USP13: variants seen among roughly 807,000 people sequenced by gnomAD.
USP13 encodes the protein ubiquitin specific peptidase 13, also known as ubiquitin carboxyl-terminal hydrolase 13.
Under a neutral mutation model 107.8 loss-of-function variants are expected in USP13, and 68 were observed. The observed-to-expected ratio is 0.63, with a 90% confidence interval of 0.52 to 0.77. The LOEUF (loss-of-function observed/expected upper bound fraction) is 0.77, where lower values mean the gene tolerates loss of function less well. Ranked by LOEUF, USP13 falls within the 30% of genes least tolerant of loss-of-function variation. The pLI, the probability that USP13 is intolerant of heterozygous loss-of-function variation, is 0.00. For synonymous variants in USP13, 377 were observed against 389.5 expected (o/e 0.97, Z 0.38); for missense variants, 945 against 1,093.3 (o/e 0.86, Z 1.91).
intron 1 of USP13, among the ~76,000 whole-genome samples, chr3:179,655,499 G>A (rs1420476499): frequency 6.6e-6 from 1 of 151,454 alleles, no homozygotes; most frequent in Admixed American, 6.6e-5. Context: ...GGGAGGAAGG[G>A]AAGGTTTGAT....
intron 14 of USP13, among the ~76,000 whole-genome samples, chr3:179,754,512 C>T (rs1553797788): frequency 3.9e-5 from 6 of 152,134 alleles, no homozygotes. Context: ...ATGATTTGCT[C>T]TTGTTTGGGG....
chr3:179,775,060 T>C (rs1318155084), intron 19 of USP13, among the ~76,000 whole-genome samples: 2 of 152,040 alleles, frequency 1.3e-5, no homozygotes, highest in Non-Finnish European at 2.9e-5. Context: ...AGAGTGCTGA[T>C]TGGTGCATTT....
chr3:179,721,316 C>G lies in USP13; in HGVS notation c.901-86C>G. The G allele has an allele frequency of 6.9e-7, 1 of 1,442,012 alleles. No homozygotes were observed. Among genetic ancestry groups the G allele is most frequent in the Non-Finnish European group, 9.4e-7 (1 of 1,062,838 alleles). The allele number at this position is 1,442,012 out of a possible 1,614,324, so 89.3% of individuals were successfully genotyped here. On this transcript the variant is annotated intron_variant, in intron 7 of 20. Coordinates refer to ENST00000263966, the MANE Select transcript of USP13 (RefSeq NM_003940.3). The surrounding 1 kb of genome is among the most constrained non-coding windows in gnomAD (Gnocchi z 4.3). ...TGGGGAAAAAAATGGCAGAAACATC[C>G]TATGCTGTTAGAAATAATTAACGGG...
intron 1 of USP13, among the ~76,000 whole-genome samples, chr3:179,657,634 C>T (rs753679329): frequency 1.1e-4 from 16 of 150,922 alleles, no homozygotes; most frequent in South Asian, 4.2e-4. Flanking sequence ...TGTGGTGGCA[C>T]GCACCTGTAG....
At chr3:179,701,179 G>GGTGTGT in intron 4 of USP13, 50 bp downstream of exon 4, 1 of 1,409,086 alleles carries the variant, frequency 7.1e-7, no homozygotes. Flanking sequence ...CTCTGTGTCA[G>GGTGTGT]GTGTGTGTGC....
At chr3:179,753,926 T>TA (rs1285603218) in intron 14 of USP13, among the ~76,000 whole-genome samples, 1 of 152,118 alleles carries the variant, frequency 6.6e-6, no homozygotes, top group Non-Finnish European at 1.5e-5. Flanking sequence ...GCCAAGAAGT[T>TA]AAAAAAAGTA....
At chr3:179,692,717 A>C (rs2108466063) in intron 3 of USP13, among the ~76,000 whole-genome samples, 1 of 152,352 alleles carries the variant, frequency 6.6e-6, no homozygotes, top group South Asian at 2.1e-4. Context: ...CTTTGGTTGA[A>C]TGAAGAAGTT....
At chr3:179,699,103 G>A (rs1468093908) in intron 3 of USP13, among the ~76,000 whole-genome samples, 1 of 151,992 alleles carries the variant, frequency 6.6e-6, no homozygotes, top group Non-Finnish European at 1.5e-5. Context: ...TCCTGACCTC[G>A]TGATCCACCT....
In USP13 at chr3:179,653,294, C is replaced by T; in HGVS notation, c.69C>T (p.Asp23=). Residue 23 remains aspartate (D), a synonymous_variant, in exon 1 of 21, where the codon GAC becomes GAT. Coordinates refer to ENST00000263966, the MANE Select transcript of USP13 (RefSeq NM_003940.3). This position sits in a 1 kb window ranked among gnomAD's most constrained non-coding sequence, Gnocchi z 4.0. ...GSGGRKMAAG[D]IGELLVPHMP... ...GAGGCAGGAAGATGGCTGCAGGAGA[C>T]ATCGGCGAGCTGCTAGTGCCCCACA... The T allele has an allele frequency of 1.3e-6, 2 of 1,573,494 alleles. No homozygotes were observed. Among genetic ancestry groups the T allele is most frequent in the Non-Finnish European group, 1.7e-6 (2 of 1,160,186 alleles).
intron 4 of USP13, among the ~76,000 whole-genome samples, chr3:179,703,291 T>A (rs1400793360): frequency 1.3e-5 from 2 of 152,238 alleles, no homozygotes; most frequent in Admixed American, 1.3e-4. Flanking sequence ...TTTGCTATAT[T>A]TTTGGTGTTC....
At chr3:179,702,124 G>A (rs147554243) in intron 4 of USP13, among the ~76,000 whole-genome samples, 3,216 of 151,958 alleles carry the variant, frequency 0.021, 124 homozygotes, top group African/African-American at 0.073. Context: ...GGTTCACGCC[G>A]TTCTCCTGCC....
intron 1 of USP13, among the ~76,000 whole-genome samples, chr3:179,676,007 G>C (rs961010991): frequency 5.9e-5 from 9 of 152,152 alleles, no homozygotes; most frequent in African/African-American, 2.2e-4. Flanking sequence ...GGACCTGGTG[G>C]GAGATAATTG....
intron 4 of USP13, among the ~76,000 whole-genome samples, chr3:179,702,610 C>T (rs190392362): frequency 9.2e-5 from 14 of 152,268 alleles, no homozygotes; most frequent in African/African-American, 2.9e-4. Context: ...TCCCTTTTGC[C>T]CCAATCTACT....
intron 16 of USP13, among the ~76,000 whole-genome samples, chr3:179,760,864 C>T (rs368992560): frequency 5.3e-5 from 8 of 152,316 alleles, no homozygotes; most frequent in East Asian, 1.9e-4. Flanking sequence ...ATTAGAGAAT[C>T]GTTTTTCATT....
At chr3:179,728,663 T>A (rs1259033076) in intron 8 of USP13, among the ~76,000 whole-genome samples, 1 of 151,956 alleles carries the variant, frequency 6.6e-6, no homozygotes, top group African/African-American at 2.4e-5. Context: ...CGAGCCGAGA[T>A]CACGCCACTG....
chr3:179,670,324 C>T (rs565314690), intron 1 of USP13, among the ~76,000 whole-genome samples: 3 of 152,282 alleles, frequency 2.0e-5, no homozygotes, highest in African/African-American at 4.8e-5. Flanking sequence ...ATTAGGGCAC[C>T]ACCCTTGCTG....
In USP13 at chr3:179,784,194, A is replaced by G; in HGVS notation, c.*53A>G. On this transcript the variant is annotated 3_prime_UTR_variant, in exon 21 of 21. Transcript: ENST00000263966. ...AAGCCATACGCCTTTTTAATTTGCC[A>G]AAAAAAAAAAGAAGAAGAAGAAGTT... 3 of 635,792 alleles carry G rather than the reference A, an allele frequency of 4.7e-6. No individual in the cohort carries two copies. In the South Asian group the frequency reaches 9.2e-5, roughly 20 times the overall value. The allele number at this position is 635,792 out of a possible 1,614,324, so 39.4% of individuals were successfully genotyped here. A position where few individuals can be genotyped will look rare whatever the true frequency, so the allele number is the denominator to read the frequency against.
In USP13 at chr3:179,786,273, G is replaced by A. The variant is rs887086197; in HGVS notation, c.*2132G>A. On this transcript the variant is annotated 3_prime_UTR_variant, in exon 21 of 21. Transcript: ENST00000263966. ...ACGTCAAAAATGGCTTGTTTTCAGC[G>A]ATGTTATAAAACAAAGGCCTGTTTT... 1 of 152,154 alleles carries A rather than the reference G, an allele frequency of 6.6e-6. No homozygotes were observed. The highest frequency in any genetic ancestry group is 1.5e-5 in the Non-Finnish European group (1 of 68,028). The allele number at this position is 152,154 out of a possible 1,614,324, so 9.4% of individuals were successfully genotyped here.
chr3:179,679,375 AC>A (rs1201347224), intron 1 of USP13, among the ~76,000 whole-genome samples: 1 of 152,180 alleles, frequency 6.6e-6, no homozygotes, highest in Non-Finnish European at 1.5e-5. Flanking sequence ...TTGATATTGT[AC>A]TTTGTGCTCT....
Sources: allele counts gnomAD v4.1 joint callset (sites outside exome capture counted in the v4.1 genomes callset), GRCh38; gene constraint gnomAD v4.1.1; non-coding constraint Gnocchi (gnomAD v3.1); transcripts MANE v1.5; gene names NCBI Gene and HGNC (gene_info 2026-07-23, HGNC 2026-07-21).